Variants in IPCEF1 observed in about 807,000 individuals in gnomAD.
IPCEF1 encodes the protein interaction protein for cytohesin exchange factors 1, also known as interactor protein for cytohesin exchange factors 1.
Under a neutral mutation model 50.9 loss-of-function variants are expected in IPCEF1, and 31 were observed. The observed-to-expected ratio is 0.61, with a 90% CI of 0.46 to 0.82. The LOEUF (loss-of-function observed/expected upper bound fraction) is 0.82. IPCEF1 is among the 40% of genes least tolerant of loss of function. The probability of loss-of-function intolerance (pLI) is 0.00; values close to 1 mark genes in which losing one functional copy is unlikely to be tolerated. For synonymous variants in IPCEF1, 181 were observed against 192.0 expected, an observed-to-expected ratio of 0.94 and a Z score of 0.47; for missense variants, 458 against 514.0, an observed-to-expected ratio of 0.89 and a Z score of 1.05.
intron 2 of IPCEF1, among the ~76,000 whole-genome samples, chr6:154,276,426 A>T (rs1782065187): frequency 6.6e-6 from 1 of 152,218 alleles, no homozygotes; most frequent in South Asian, 2.1e-4. Flanking sequence ...ACTACTGTAT[A>T]TAATCATGGT....
intron 3 of IPCEF1, among the ~76,000 whole-genome samples, chr6:154,253,168 T>G (rs1781378620): frequency 6.6e-6 from 1 of 152,156 alleles, no homozygotes; most frequent in Non-Finnish European, 1.5e-5. Flanking sequence ...AACTTGAATG[T>G]GATGTTGATC....
intron 9 of IPCEF1, among the ~76,000 whole-genome samples, chr6:154,208,113 T>C (rs1777652092): frequency 6.6e-6 from 1 of 152,190 alleles, no homozygotes; most frequent in Non-Finnish European, 1.5e-5. Context: ...AAGTTGATTA[T>C]ATCCCTCCTC....
At chr6:154,328,030 A>T (rs1334501761) in intron 1 of IPCEF1, among the ~76,000 whole-genome samples, 4 of 152,132 alleles carry the variant, frequency 2.6e-5, no homozygotes, top group Admixed American at 6.6e-5. Context: ...ACATGGACAC[A>T]TGGGGGCTAA....
In IPCEF1 at chr6:154,323,148, A is replaced by C. The variant is rs529831177; in HGVS notation, c.-61-33392T>G. 2.0e-5 allele frequency among the ~76,000 whole-genome samples: 3 copies of C among 152,186 alleles called. No homozygotes were observed. The South Asian group carries it at 6.2e-4, about 32-fold the overall frequency. On this transcript the variant is annotated intron_variant, in intron 1 of 11. Transcript: ENST00000367220. ...ATACCCTGCCCAGTTTCCAACTCCCAGCATCTGAGTCCCTTTGCCTGAGGC... is the reference window on the plus strand; with the variant it reads ...ATACCCTGCCCAGTTTCCAACTCCCCGCATCTGAGTCCCTTTGCCTGAGGC...
chr6:154,323,643 G>A (rs1373540800), intron 1 of IPCEF1, among the ~76,000 whole-genome samples: 1 of 152,132 alleles, frequency 6.6e-6, no homozygotes, highest in East Asian at 1.9e-4. Flanking sequence ...ATGACATGAT[G>A]TCTGATTCCT....
At chr6:154,260,878 T>G (rs1781581846) in intron 3 of IPCEF1, among the ~76,000 whole-genome samples, 1 of 152,192 alleles carries the variant, frequency 6.6e-6, no homozygotes, top group East Asian at 1.9e-4. Context: ...GCAATCATGA[T>G]TTCGTGCATA....
intron 5 of IPCEF1, among the ~76,000 whole-genome samples, chr6:154,239,078 C>T (rs1780372054): frequency 6.6e-6 from 1 of 152,050 alleles, no homozygotes; most frequent in African/African-American, 2.4e-5. Flanking sequence ...ATGGCATTCA[C>T]TCTGGCAATG....
chr6:154,213,137 G>A (rs867218981), intron 8 of IPCEF1: 3 of 374,886 alleles, frequency 8.0e-6, no homozygotes, highest in African/African-American at 4.1e-5. Context: ...AGAGGTGTGA[G>A]TCATAATACC....
chr6:154,257,801 G>A (rs1261715923), intron 3 of IPCEF1, among the ~76,000 whole-genome samples: 1 of 152,040 alleles, frequency 6.6e-6, no homozygotes, highest in Admixed American at 6.6e-5. Flanking sequence ...CCAGGCTCAA[G>A]CGATGCTCCC....
intron 1 of IPCEF1, among the ~76,000 whole-genome samples, chr6:154,336,698 G>A (rs1010438945): frequency 1.3e-5 from 2 of 152,096 alleles, no homozygotes; most frequent in Non-Finnish European, 2.9e-5. Context: ...CGACTGCTCA[G>A]TCTCAAGCTA....
At chr6:154,257,012 T>G (rs1239416961) in intron 3 of IPCEF1, among the ~76,000 whole-genome samples, 1 of 152,198 alleles carries the variant, frequency 6.6e-6, no homozygotes, top group Non-Finnish European at 1.5e-5. Flanking sequence ...TTCAGTAGAT[T>G]AGGTGTATTA....
intron 10 of IPCEF1, among the ~76,000 whole-genome samples, chr6:154,185,122 T>C (rs555611027): frequency 1.3e-5 from 2 of 152,304 alleles, no homozygotes; most frequent in East Asian, 1.9e-4. Context: ...AAGAAACATA[T>C]TGAATATTAT....
chr6:154,201,910 C>G (rs560589006), intron 9 of IPCEF1, among the ~76,000 whole-genome samples: 1 of 152,086 alleles, frequency 6.6e-6, no homozygotes, highest in African/African-American at 2.4e-5. Flanking sequence ...AACAAACAAA[C>G]AAAAAAACTC....
At chr6:154,248,698 G>A (rs1416341982) in intron 3 of IPCEF1, among the ~76,000 whole-genome samples, 1 of 152,054 alleles carries the variant, frequency 6.6e-6, no homozygotes, top group African/African-American at 2.4e-5. Context: ...ATAATTAGTA[G>A]CTGTGGTGCC....
At chr6:154,328,077 G>T (rs1055140865) in intron 1 of IPCEF1, among the ~76,000 whole-genome samples, 1 of 152,096 alleles carries the variant, frequency 6.6e-6, no homozygotes, top group African/African-American at 2.4e-5. Flanking sequence ...AGGGTGGTTG[G>T]GGGAGGGGGA....
intron 2 of IPCEF1, among the ~76,000 whole-genome samples, chr6:154,268,353 G>A (rs532583943): frequency 6.6e-6 from 1 of 152,322 alleles, no homozygotes; most frequent in East Asian, 1.9e-4. Flanking sequence ...CTCAGCTGTG[G>A]TTTGGGTAGC....
Position 154,169,478 on chromosome 6 carries a change from G to C in IPCEF1, c.911-1365C>G, listed in dbSNP as rs374569647. Among the ~76,000 whole-genome samples, 6 of 152,314 alleles carry C rather than the reference G, an allele frequency of 3.9e-5. 1 individual carries two copies. Among genetic ancestry groups the C allele is most frequent in the African/African-American group, 1.4e-4 (6 of 41,562 alleles). ...AACCCATGCAAGTCGACAAATATCT[G>C]CTTCTAAAACACAGTGTGGGACAAA... is the stretch of plus-strand genomic sequence containing the variant. On this transcript the variant is annotated intron_variant, in intron 10 of 11. Transcript: ENST00000367220.
At chr6:154,308,254 A>G (rs1782987239) in intron 1 of IPCEF1, among the ~76,000 whole-genome samples, 1 of 152,168 alleles carries the variant, frequency 6.6e-6, no homozygotes, top group South Asian at 2.1e-4. Context: ...AGCTGGGACT[A>G]TTGGTGCGTG....
At chr6:154,213,895 G>A (rs1336469986) in intron 8 of IPCEF1, among the ~76,000 whole-genome samples, 3 of 152,172 alleles carry the variant, frequency 2.0e-5, no homozygotes, top group Admixed American at 6.5e-5. Flanking sequence ...AGATCATGAC[G>A]AGATCATGTC....
Sources: gnomAD v4.1 joint callset for allele counts (sites outside exome capture counted in the v4.1 genomes callset) on GRCh38, gnomAD v4.1.1 for gene constraint, MANE v1.5 for transcripts, NCBI Gene and HGNC (gene_info 2026-07-23, HGNC 2026-07-21) for gene names.